UBE2E2: variants seen among roughly 807,000 people sequenced by gnomAD.
The protein encoded by UBE2E2 is ubiquitin conjugating enzyme E2 E2.
In UBE2E2, 6 loss-of-function variants were observed where a neutral mutation model predicts 24.7. That is an observed-to-expected ratio of 0.24 (90% CI 0.13 to 0.48). The LOEUF (loss-of-function observed/expected upper bound fraction) is 0.48, where lower values mean the gene tolerates loss of function less well. Among genes scored for constraint, UBE2E2 ranks in the 20% least tolerant of loss-of-function variants. The pLI, the probability that UBE2E2 is intolerant of heterozygous loss-of-function variation, is 0.99. For synonymous variants in UBE2E2, 104 were observed against 83.6 expected, an observed-to-expected ratio of 1.24 and a Z score of -1.33; for missense variants, 169 against 245.0, an observed-to-expected ratio of 0.69 and a Z score of 2.07.
intron 3 of UBE2E2, among the ~76,000 whole-genome samples, chr3:23,295,659 C>T (rs892711755): frequency 1.3e-5 from 2 of 152,112 alleles, no homozygotes; most frequent in African/African-American, 2.4e-5. Context: ...AATACCTACA[C>T]GAGAGGGAGT....
At chr3:23,364,794 C>T (rs943042572) in intron 3 of UBE2E2, among the ~76,000 whole-genome samples, 3 of 152,082 alleles carry the variant, frequency 2.0e-5, no homozygotes, top group Non-Finnish European at 2.9e-5. Flanking sequence ...CATTATGATA[C>T]CAAAACCTGG....
intron 5 of UBE2E2, among the ~76,000 whole-genome samples, chr3:23,587,893 G>A (rs1696663501): frequency 6.6e-6 from 1 of 152,188 alleles, no homozygotes. Context: ...CACATACTAA[G>A]TAGTCTACTA....
At chr3:23,509,677 G>C (rs147627774) in intron 4 of UBE2E2, among the ~76,000 whole-genome samples, 30 of 151,786 alleles carry the variant, frequency 2.0e-4, no homozygotes, top group African/African-American at 7.3e-4. Flanking sequence ...TGCTGCACCC[G>C]TTAACTCGTC....
At chr3:23,467,955 C>G (rs952250886) in intron 3 of UBE2E2, among the ~76,000 whole-genome samples, 1 of 152,094 alleles carries the variant, frequency 6.6e-6, no homozygotes, top group African/African-American at 2.4e-5. Flanking sequence ...AGAACTCTAT[C>G]ACAAGGACAG....
chr3:23,419,175 G>A (rs1328675711), intron 3 of UBE2E2, among the ~76,000 whole-genome samples: 2 of 151,936 alleles, frequency 1.3e-5, no homozygotes, highest in Non-Finnish European at 2.9e-5. Flanking sequence ...GTGTTGTCCA[G>A]GCTGGTCTTA....
chr3:23,563,038 T>G (rs1695974359), intron 5 of UBE2E2, among the ~76,000 whole-genome samples: 1 of 152,138 alleles, frequency 6.6e-6, no homozygotes, highest in South Asian at 2.1e-4. Flanking sequence ...ATTCATTGAT[T>G]TTTTGAAGGG....
At chr3:23,565,935 A>T (rs759068799) in intron 5 of UBE2E2, among the ~76,000 whole-genome samples, 1 of 152,146 alleles carries the variant, frequency 6.6e-6, no homozygotes, top group Non-Finnish European at 1.5e-5. Context: ...CAGAATGACA[A>T]TGTAGACTAA....
chr3:23,539,841 G>A (rs962957839), intron 5 of UBE2E2, among the ~76,000 whole-genome samples: 3 of 152,022 alleles, frequency 2.0e-5, no homozygotes, highest in Non-Finnish European at 4.4e-5. Context: ...TTCACTAAGT[G>A]AAGACGTAAT....
At chr3:23,498,239 T>C (rs775166405) in intron 3 of UBE2E2, among the ~76,000 whole-genome samples, 1 of 152,190 alleles carries the variant, frequency 6.6e-6, no homozygotes, top group Non-Finnish European at 1.5e-5. Context: ...TCAGTCAAAC[T>C]CTAATATTTT....
chr3:23,278,401 T>C (rs760938549), intron 3 of UBE2E2, among the ~76,000 whole-genome samples: 2 of 152,160 alleles, frequency 1.3e-5, no homozygotes, highest in Non-Finnish European at 2.9e-5. Context: ...CAGGTCTTCA[T>C]TGTAAGACAA....
rs76207548 is a variant in UBE2E2, at chr3:23,587,778, A to G, written c.509-1956A>G. ...GTAGTGCTGGTTTAAATCTTGTTGAATCTTGACTGGACTGGGTGAAATGGT... is the reference window on the plus strand; with the variant it reads ...GTAGTGCTGGTTTAAATCTTGTTGAGTCTTGACTGGACTGGGTGAAATGGT... On this transcript the variant is annotated intron_variant, in intron 5 of 5. Coordinates refer to ENST00000396703, the MANE Select transcript of UBE2E2 (RefSeq NM_152653.4). Among the ~76,000 whole-genome samples, 554 of 152,354 alleles carry G rather than the reference A, an allele frequency of 3.6e-3. 2 individuals carry two copies. Among genetic ancestry groups the G allele is most frequent in the African/African-American group, 0.013 (529 of 41,580 alleles).
At chr3:23,505,264 T>C (rs1160591824) in intron 4 of UBE2E2, among the ~76,000 whole-genome samples, 2 of 152,116 alleles carry the variant, frequency 1.3e-5, no homozygotes, top group Admixed American at 6.5e-5. Context: ...TAAGGACTCA[T>C]GTTAGGTAAC....
chr3:23,204,440 G>A (rs983231588), intron 1 of UBE2E2, among the ~76,000 whole-genome samples: 8 of 152,136 alleles, frequency 5.3e-5, no homozygotes, highest in African/African-American at 1.9e-4. Context: ...GGAAGTGCTA[G>A]GGTTTACCCT....
chr3:23,381,723 C>G (rs1006073735), intron 3 of UBE2E2, among the ~76,000 whole-genome samples: 3 of 152,180 alleles, frequency 2.0e-5, no homozygotes, highest in African/African-American at 4.8e-5. Context: ...CTTTTTCTGT[C>G]AATGAGAATT....
chr3:23,218,416 C>T (rs1040102396), intron 3 of UBE2E2, among the ~76,000 whole-genome samples: 1 of 151,922 alleles, frequency 6.6e-6, no homozygotes, highest in Non-Finnish European at 1.5e-5. Context: ...ACATCAAAGC[C>T]GTTTCAGATG....
intron 3 of UBE2E2, among the ~76,000 whole-genome samples, chr3:23,309,936 G>T (rs1694317225): frequency 6.6e-6 from 1 of 152,108 alleles, no homozygotes; most frequent in Non-Finnish European, 1.5e-5. Flanking sequence ...TGGAGAGGAA[G>T]AGAAAAGGAA....
At chr3:23,493,947 C>G (rs895219638) in intron 3 of UBE2E2, among the ~76,000 whole-genome samples, 1 of 152,144 alleles carries the variant, frequency 6.6e-6, no homozygotes, top group Admixed American at 6.5e-5. Context: ...GAGTACAGTT[C>G]TACTAAAAAT....
intron 5 of UBE2E2, among the ~76,000 whole-genome samples, chr3:23,569,227 G>A (rs1332045854): frequency 6.6e-6 from 1 of 152,156 alleles, no homozygotes; most frequent in African/African-American, 2.4e-5. Flanking sequence ...AATCACAAGA[G>A]ACTACATATT....
At chr3:23,362,872 C>G (rs891396652) in intron 3 of UBE2E2, among the ~76,000 whole-genome samples, 1 of 152,186 alleles carries the variant, frequency 6.6e-6, no homozygotes, top group Non-Finnish European at 1.5e-5. Flanking sequence ...CCTACTGTTG[C>G]TTGTAAAGTG....
Sources: gnomAD v4.1 joint callset for allele counts (sites outside exome capture counted in the v4.1 genomes callset) on GRCh38, gnomAD v4.1.1 for gene constraint, MANE v1.5 for transcripts, NCBI Gene and HGNC (gene_info 2026-07-23, HGNC 2026-07-21) for gene names.